SLC39A11: variants seen among roughly 807,000 people sequenced by gnomAD.
The protein encoded by SLC39A11 is solute carrier family 39 member 11, also known as zinc transporter ZIP11.
SLC39A11 carries 33 observed loss-of-function variants against 36.1 expected under a neutral mutation model. The ratio of observed to expected loss-of-function variants is 0.91; its 90% CI spans 0.69 to 1.22. The LOEUF (loss-of-function observed/expected upper bound fraction) is 1.22. SLC39A11 is among the 50% of genes most tolerant of loss of function. SLC39A11 has a pLI of 0.00. For synonymous variants in SLC39A11, 166 were observed against 170.3 expected (o/e 0.97, Z 0.20); for missense variants, 432 against 430.3 (o/e 1.00, Z -0.03).
chr17:73,010,514 G>A (rs1429972328), intron 4 of SLC39A11, among the ~76,000 whole-genome samples: 1 of 152,252 alleles, frequency 6.6e-6, no homozygotes, highest in East Asian at 1.9e-4. Context: ...TTTTTTAAAA[G>A]TACCTAGGCC....
chr17:73,032,384 T>A (rs118010014), intron 3 of SLC39A11, among the ~76,000 whole-genome samples: 4,686 of 152,138 alleles, frequency 0.031, 94 homozygotes, highest in Middle Eastern at 0.065. Context: ...TTTTTCTGTA[T>A]TTTTTAGAGA....
At chr17:72,961,674 T>C (rs970443986) in intron 4 of SLC39A11, among the ~76,000 whole-genome samples, 7 of 147,964 alleles carry the variant, frequency 4.7e-5, no homozygotes, top group Non-Finnish European at 1.0e-4. Context: ...CACTCATAGG[T>C]GGGAATTGAA....
intron 7 of SLC39A11, among the ~76,000 whole-genome samples, chr17:72,706,228 C>T (rs2567487): frequency 0.42 from 64,583 of 152,098 alleles, 14,186 homozygotes; most frequent in Admixed American, 0.53. Context: ...CTTCTAGATG[C>T]ATTTAGAAAC....
At chr17:72,755,917 T>C (rs957682508) in intron 6 of SLC39A11, among the ~76,000 whole-genome samples, 16 of 152,208 alleles carry the variant, frequency 1.1e-4, no homozygotes, top group Admixed American at 1.0e-3. Flanking sequence ...CGGGAGCTAA[T>C]AGTTGGCTGA....
intron 5 of SLC39A11, among the ~76,000 whole-genome samples, chr17:72,899,793 C>T (rs1421681890): frequency 6.6e-6 from 1 of 152,046 alleles, no homozygotes; most frequent in Non-Finnish European, 1.5e-5. Flanking sequence ...GAAACCCCGT[C>T]TCTACTAAAA....
chr17:72,981,248 G>A (rs2088277944), intron 4 of SLC39A11, among the ~76,000 whole-genome samples: 1 of 152,056 alleles, frequency 6.6e-6, no homozygotes, highest in Non-Finnish European at 1.5e-5. Context: ...AATCCACTGT[G>A]TATTTTTTAT....
intron 5 of SLC39A11, among the ~76,000 whole-genome samples, chr17:72,907,133 G>A (rs779004936): frequency 1.3e-5 from 2 of 152,220 alleles, no homozygotes; most frequent in Non-Finnish European, 1.5e-5. Flanking sequence ...CACACAGCGA[G>A]TCCCTCCTGC....
Position 72,740,187 on chromosome 17 carries a change from C to T in SLC39A11, c.602-3468G>A, listed in dbSNP as rs1321655667. Among the ~76,000 whole-genome samples the T allele has an allele frequency of 5.3e-5, 8 of 151,390 alleles. No homozygotes were observed. The East Asian group carries it at 9.8e-4, about 18-fold the overall frequency. On this transcript the variant is annotated intron_variant, in intron 6 of 9. Transcript: ENST00000255559. The stretch of plus-strand genomic sequence containing the variant: ...ACACCATTCTCCTGCCTCAGCCTCC[C>T]GAGTGGCTGGGACTACAGGCGCCCG...
intron 6 of SLC39A11, among the ~76,000 whole-genome samples, chr17:72,787,833 T>A (rs1336825867): frequency 6.6e-6 from 1 of 152,162 alleles, no homozygotes; most frequent in Non-Finnish European, 1.5e-5. Context: ...GGGATGCACA[T>A]TCACCCCAGC....
intron 6 of SLC39A11, among the ~76,000 whole-genome samples, chr17:72,784,375 G>A (rs1015781319): frequency 6.6e-6 from 1 of 152,022 alleles, no homozygotes; most frequent in African/African-American, 2.4e-5. Flanking sequence ...AGGTTGGGGG[G>A]TGCGTGGGGC....
chr17:72,761,081 C>T (rs1327880829), intron 6 of SLC39A11, among the ~76,000 whole-genome samples: 2 of 152,154 alleles, frequency 1.3e-5, no homozygotes, highest in African/African-American at 4.8e-5. Flanking sequence ...CAAAATAAAG[C>T]ATGTTCATCA....
chr17:72,796,128 G>A (rs985643645), intron 6 of SLC39A11, among the ~76,000 whole-genome samples: 2 of 152,156 alleles, frequency 1.3e-5, no homozygotes, highest in Non-Finnish European at 2.9e-5. Flanking sequence ...TCTGAGTTAT[G>A]AGGATGAAGC....
At chr17:73,027,935 C>A (rs1253963677) in intron 4 of SLC39A11, among the ~76,000 whole-genome samples, 1 of 152,218 alleles carries the variant, frequency 6.6e-6, no homozygotes, top group Non-Finnish European at 1.5e-5. Context: ...TTCACCCCAA[C>A]AAACTCCAAG....
Position 72,696,453 on chromosome 17 carries a change from G to T in SLC39A11, c.671+40197C>A, listed in dbSNP as rs572141406. On this transcript the variant is annotated intron_variant, in intron 7 of 9. Transcript: ENST00000255559. ...ATCAAAGAAGCCAGGCTCAGGGAGG[G>T]TAAGTGACTCTTCCATGTTTAAACC... 6.6e-5 allele frequency among the ~76,000 whole-genome samples: 10 copies of T among 152,268 alleles called. No individual in the cohort carries two copies. The South Asian group carries it at 2.1e-3, about 32-fold the overall frequency.
rs181053091 is a variant in SLC39A11 at position 72,957,545 on chromosome 17, G to A, written c.307-9670C>T. On this transcript the variant is annotated intron_variant, in intron 4 of 9. Transcript: ENST00000255559. ...AGATTTTTTAAAATTTCGGCCAGGC[G>A]CCGCAGCTCATGCCTGTAATCCCAG... Among the ~76,000 whole-genome samples, 399 of 152,324 alleles carry A rather than the reference G, an allele frequency of 2.6e-3. 4 individuals carry two copies. The highest frequency in any genetic ancestry group is 0.01 in the Middle Eastern group (3 of 294).
intron 7 of SLC39A11, among the ~76,000 whole-genome samples, chr17:72,654,547 C>T (rs1011438317): frequency 1.3e-5 from 2 of 152,318 alleles, no homozygotes; most frequent in Admixed American, 6.5e-5. Flanking sequence ...GCCCCTGCCC[C>T]GCCTTCCCAG....
intron 3 of SLC39A11, among the ~76,000 whole-genome samples, chr17:73,050,186 C>T (rs148808399): frequency 1.2e-3 from 180 of 152,032 alleles, no homozygotes; most frequent in African/African-American, 4.0e-3. Context: ...CTCCATTTGA[C>T]TTGGGTAGTC....
Position 72,717,972 on chromosome 17 carries a change from G to A in SLC39A11, c.671+18678C>T, listed in dbSNP as rs183758831. On this transcript the variant is annotated intron_variant, in intron 7 of 9. Coordinates refer to ENST00000255559, the MANE Select transcript of SLC39A11 (RefSeq NM_139177.4). The stretch of plus-strand genomic sequence containing the variant: ...TGCCCCCGGTATCTCACTGCTGGGC[G>A]GCACTGGCAAGGGTTATGGTTCTTA... Among the ~76,000 whole-genome samples, 87 of 152,278 alleles carry A rather than the reference G, an allele frequency of 5.7e-4. 1 individual carries two copies. The highest frequency in any genetic ancestry group is 2.0e-3 in the Admixed American group (31 of 15,298).
chr17:73,074,384 G>A (rs962604472), intron 3 of SLC39A11, among the ~76,000 whole-genome samples: 3 of 146,954 alleles, frequency 2.0e-5, no homozygotes, highest in Non-Finnish European at 4.4e-5. Context: ...TGCAACTTCC[G>A]CCTCCTGGGT....
Sources: allele counts gnomAD v4.1 joint callset (sites outside exome capture counted in the v4.1 genomes callset), GRCh38; gene constraint gnomAD v4.1.1; transcripts MANE v1.5; gene names NCBI Gene and HGNC (gene_info 2026-07-23, HGNC 2026-07-21).